ZNF438: variants seen among roughly 807,000 people sequenced by gnomAD.
ZNF438 encodes the protein zinc finger protein 438.
In ZNF438, 25 loss-of-function variants were observed where a neutral mutation model predicts 38.0. That is an observed-to-expected ratio of 0.66 (90% CI 0.48 to 0.92). The LOEUF (loss-of-function observed/expected upper bound fraction) is 0.92, where lower values mean the gene tolerates loss of function less well. Among genes scored for constraint, ZNF438 ranks in the 40% least tolerant of loss-of-function variants. The pLI is 0.00. For synonymous variants in ZNF438, 372 were observed against 364.1 expected, an observed-to-expected ratio of 1.02 and a Z score of -0.25; for missense variants, 1,007 against 999.6, an observed-to-expected ratio of 1.01 and a Z score of -0.10.
In ZNF438 at chr10:30,999,616, T is replaced by C. The variant is rs967547185; in HGVS notation, c.-192+32217A>G. On this transcript the variant is annotated intron_variant, in intron 1 of 5. Coordinates refer to ENST00000413025, the Ensembl canonical transcript of ZNF438. ...ACACTATACTTTCCTAACACAGCAT[T>C]TGTCAATCTCCCCCATAAGCTCCAC... is the stretch of plus-strand genomic sequence containing the variant. The C allele has an allele frequency of 4.6e-5, 7 of 152,404 alleles. No individual in the cohort carries two copies. In the East Asian group the frequency reaches 1.3e-3, roughly 29 times the overall value. The allele number at this position is 152,404 out of a possible 1,614,324, so 9.4% of individuals were successfully genotyped here.
At chr10:30,907,461 G>A (rs2042694335) in intron 3 of ZNF438, among the ~76,000 whole-genome samples, 1 of 152,028 alleles carries the variant, frequency 6.6e-6, no homozygotes, top group Non-Finnish European at 1.5e-5. Flanking sequence ...CTAAATTTTT[G>A]GTAGAATTCA....
intron 4 of ZNF438, chr10:30,875,284 C>T: frequency 1.0e-6 from 1 of 985,346 alleles, no homozygotes; most frequent in Non-Finnish European, 1.2e-6. Context: ...CCCTCTGTAT[C>T]AGCCAGAGCC....
intron 1 of ZNF438, among the ~76,000 whole-genome samples, chr10:31,026,678 T>C (rs1179132313): frequency 6.6e-6 from 1 of 152,130 alleles, no homozygotes; most frequent in African/African-American, 2.4e-5. Context: ...TGGAAGACAG[T>C]GTGGCGATTC....
intron 1 of ZNF438, among the ~76,000 whole-genome samples, chr10:30,964,091 A>C (rs58900874): frequency 0.048 from 7,253 of 152,226 alleles, 577 homozygotes; most frequent in African/African-American, 0.16. Flanking sequence ...ATTCTACTTT[A>C]GGAGAAAATA....
intron 2 of ZNF438, among the ~76,000 whole-genome samples, chr10:30,914,851 G>T (rs1467493296): frequency 6.6e-6 from 1 of 151,862 alleles, no homozygotes; most frequent in African/African-American, 2.4e-5. Context: ...TTAAAAAGTA[G>T]ATCTTAAAAT....
At chr10:30,993,601 G>C (rs867073271) in intron 1 of ZNF438, among the ~76,000 whole-genome samples, 1 of 152,264 alleles carries the variant, frequency 6.6e-6, no homozygotes, top group Non-Finnish European at 1.5e-5. Flanking sequence ...TTGTCAACAA[G>C]GGTAGACTCA....
intron 1 of ZNF438, among the ~76,000 whole-genome samples, chr10:30,976,835 C>T (rs74134338): frequency 0.05 from 7,512 of 151,320 alleles, 576 homozygotes; most frequent in African/African-American, 0.17. Flanking sequence ...TTAACACATA[C>T]ACCAAAATAA....
At chr10:30,844,933 C>G in exon 6 of ZNF438, 1 of 1,601,870 alleles carries the variant, frequency 6.2e-7, no homozygotes, top group Non-Finnish European at 8.5e-7. Context: ...GCAGAGCTCT[C>G]TCCTTAACCC....
intron 4 of ZNF438, among the ~76,000 whole-genome samples, chr10:30,863,980 G>A (rs1036804365): frequency 9.9e-5 from 15 of 152,058 alleles, no homozygotes; most frequent in African/African-American, 3.1e-4. Context: ...GACTCTTGGC[G>A]GCCCACATTC....
At chr10:30,929,263 GT>G (rs2045333010) in intron 2 of ZNF438, among the ~76,000 whole-genome samples, 1 of 152,168 alleles carries the variant, frequency 6.6e-6, no homozygotes, top group African/African-American at 2.4e-5. Context: ...CGCAGTGAGT[GT>G]TACAGTTCTT....
Position 30,910,817 on chromosome 10 carries a change from A to G in ZNF438, c.-114-1802T>C, listed in dbSNP as rs138793028. On this transcript the variant is annotated intron_variant, in intron 2 of 5. Coordinates refer to ENST00000413025, the Ensembl canonical transcript of ZNF438. ...CATTCTGTGGTTCCTAGGCCAATCTAAATTAATACAGTTAAAATTAAAGCT... is the reference window on the plus strand; with the variant it reads ...CATTCTGTGGTTCCTAGGCCAATCTGAATTAATACAGTTAAAATTAAAGCT... Among the ~76,000 whole-genome samples the G allele has an allele frequency of 8.5e-5, 13 of 152,070 alleles. 1 individual carries two copies. The East Asian group carries it at 2.3e-3, about 27-fold the overall frequency.
In ZNF438 at chr10:30,959,645, G is replaced by A. The variant is rs550519975; in HGVS notation, c.-191-17994C>T. 2.6e-3 allele frequency among the ~76,000 whole-genome samples: 373 copies of A among 145,558 alleles called. 16 individuals carry two copies. The highest frequency in any genetic ancestry group is 9.0e-3 in the African/African-American group (368 of 40,992). The stretch of plus-strand genomic sequence containing the variant: ...TGCCTGTAGTCCCAGCTACTCAGGA[G>A]GCTGAGGCAGGAGAATGGCGTGAAC... On this transcript the variant is annotated intron_variant, in intron 1 of 5. Coordinates refer to ENST00000413025, the Ensembl canonical transcript of ZNF438.
intron 3 of ZNF438, among the ~76,000 whole-genome samples, chr10:30,900,370 G>C (rs772180218): frequency 6.6e-6 from 1 of 151,924 alleles, no homozygotes; most frequent in Admixed American, 6.6e-5. Context: ...ATGTAAACTT[G>C]ACCTCACTCC....
At chr10:30,859,333 C>T (rs990115339) in intron 4 of ZNF438, among the ~76,000 whole-genome samples, 2 of 152,200 alleles carry the variant, frequency 1.3e-5, no homozygotes, top group Non-Finnish European at 2.9e-5. Context: ...CTGCCTCAGC[C>T]TCCCAAAGTG....
At chr10:30,923,968 T>G (rs915094767) in intron 2 of ZNF438, among the ~76,000 whole-genome samples, 5 of 152,254 alleles carry the variant, frequency 3.3e-5, no homozygotes, top group Non-Finnish European at 5.9e-5. Flanking sequence ...AATCCATTAA[T>G]GTCTTTCAAT....
intron 4 of ZNF438, among the ~76,000 whole-genome samples, chr10:30,855,841 A>G (rs1487747669): frequency 6.6e-6 from 1 of 152,256 alleles, no homozygotes; most frequent in Admixed American, 6.5e-5. Context: ...TATGTGCAGA[A>G]TATCTCTGAA....
At chr10:30,964,831 T>C (rs1041927409) in intron 1 of ZNF438, among the ~76,000 whole-genome samples, 2 of 152,048 alleles carry the variant, frequency 1.3e-5, no homozygotes, top group African/African-American at 4.8e-5. Flanking sequence ...TATGGAACAA[T>C]GACCTCAAAC....
At chr10:30,877,953 A>C (rs1326286838) in intron 3 of ZNF438, among the ~76,000 whole-genome samples, 1 of 152,248 alleles carries the variant, frequency 6.6e-6, no homozygotes, top group Non-Finnish European at 1.5e-5. Flanking sequence ...ACTTCTAGCC[A>C]AGATGGAGTA....
At chr10:30,868,892 C>T (rs2036916157) in intron 4 of ZNF438, among the ~76,000 whole-genome samples, 1 of 152,180 alleles carries the variant, frequency 6.6e-6, no homozygotes, top group Non-Finnish European at 1.5e-5. Flanking sequence ...ATGCTATTTG[C>T]ACCTGCATTT....
Sources: allele counts gnomAD v4.1 joint callset (sites outside exome capture counted in the v4.1 genomes callset), GRCh38; gene constraint gnomAD v4.1.1; transcripts MANE v1.5; gene names NCBI Gene and HGNC (gene_info 2026-07-23, HGNC 2026-07-21).